Variants in TTC39C observed in about 807,000 individuals in gnomAD.
The protein encoded by TTC39C is tetratricopeptide repeat domain 39C, also known as tetratricopeptide repeat protein 39C.
In TTC39C, 33 loss-of-function variants were observed where a neutral mutation model predicts 76.3. That is an observed-to-expected ratio of 0.43 (90% confidence interval 0.33 to 0.58). The LOEUF (loss-of-function observed/expected upper bound fraction) is 0.58, where lower values mean the gene tolerates loss of function less well. Among genes scored for constraint, TTC39C ranks in the 20% least tolerant of loss-of-function variants. The probability of loss-of-function intolerance (pLI) is 0.04; values close to 1 mark genes in which losing one functional copy is unlikely to be tolerated. For synonymous variants in TTC39C, 254 were observed against 260.6 expected, an observed-to-expected ratio of 0.97 and a Z score of 0.24; for missense variants, 595 against 701.4, an observed-to-expected ratio of 0.85 and a Z score of 1.71.
At chr18:24,053,245 T>C (rs1327153529) in intron 1 of TTC39C, among the ~76,000 whole-genome samples, 2 of 152,212 alleles carry the variant, frequency 1.3e-5, no homozygotes, top group African/African-American at 4.8e-5. Context: ...TAGGTTGCTT[T>C]TCTTAGACCT....
intron 1 of TTC39C, chr18:24,022,673 G>A (rs994555934): frequency 1.0e-6 from 1 of 985,414 alleles, no homozygotes; most frequent in Admixed American, 6.1e-5. Flanking sequence ...TGTCTTCAGG[G>A]GAGATGTCAC....
chr18:24,024,002 A>ATTTTTTTTT (rs2083562942), intron 1 of TTC39C, among the ~76,000 whole-genome samples: 1 of 4,242 alleles, frequency 2.4e-4, no homozygotes. Flanking sequence ...ATATATATAT[A>ATTTTTTTTT]TATATATATA....
intron 1 of TTC39C, among the ~76,000 whole-genome samples, chr18:24,045,351 G>T (rs539327185): frequency 3.3e-5 from 5 of 151,572 alleles, no homozygotes; most frequent in Admixed American, 6.6e-5. Context: ...GGCCAGGGGG[G>T]ATTTGTGTGC....
intron 1 of TTC39C, among the ~76,000 whole-genome samples, chr18:24,009,649 C>A (rs556018568): frequency 1.3e-5 from 2 of 152,236 alleles, no homozygotes; most frequent in Non-Finnish European, 1.5e-5. Context: ...CTCAAAGACA[C>A]ACCCCAGTCA....
At chr18:24,024,644 A>T (rs761878790) in intron 1 of TTC39C, among the ~76,000 whole-genome samples, 3 of 152,168 alleles carry the variant, frequency 2.0e-5, no homozygotes, top group Non-Finnish European at 4.4e-5. Context: ...GTGTTAAGAC[A>T]TAGGATGTGT....
upstream of TTC39C, among the ~76,000 whole-genome samples, chr18:24,012,191 G>C (rs527865404): frequency 6.6e-6 from 1 of 151,540 alleles, no homozygotes; most frequent in East Asian, 1.9e-4. Flanking sequence ...CCCTCACCAC[G>C]GGCAAATATT....
chr18:23,996,848 G>A (rs925407950), intron 1 of TTC39C, among the ~76,000 whole-genome samples: 12 of 151,652 alleles, frequency 7.9e-5, no homozygotes, highest in Non-Finnish European at 1.3e-4. Context: ...AGTGGCTCAC[G>A]CCTGTAATCC....
intron 5 of TTC39C, 72 bp downstream of exon 5, chr18:24,081,011 T>G (rs1453513323): frequency 5.8e-6 from 8 of 1,383,396 alleles, no homozygotes; most frequent in Non-Finnish European, 7.8e-6. Flanking sequence ...ATCAAAGACT[T>G]TAAAGGAAAC....
intron 8 of TTC39C, among the ~76,000 whole-genome samples, chr18:24,122,382 G>C (rs188156693): frequency 6.6e-6 from 1 of 150,412 alleles, no homozygotes; most frequent in Non-Finnish European, 1.5e-5. Context: ...TGTGCCTGTA[G>C]TCCCAGCTAC....
At chr18:24,056,083 G>A (rs1314550568) in intron 1 of TTC39C, among the ~76,000 whole-genome samples, 2 of 152,206 alleles carry the variant, frequency 1.3e-5, no homozygotes, top group South Asian at 2.1e-4. Context: ...AGCATTCAGT[G>A]TTGTCCTTTT....
intron 1 of TTC39C, among the ~76,000 whole-genome samples, chr18:24,035,972 G>A (rs965732565): frequency 6.6e-6 from 1 of 152,046 alleles, no homozygotes; most frequent in Non-Finnish European, 1.5e-5. Flanking sequence ...TAAAGTAAGG[G>A]TCAACTTCAT....
chr18:24,050,188 A>G (rs143040833), intron 1 of TTC39C, among the ~76,000 whole-genome samples: 3 of 152,286 alleles, frequency 2.0e-5, no homozygotes, highest in African/African-American at 7.2e-5. Context: ...CATTGTTCTC[A>G]TAATTTGTCC....
At chr18:24,014,647 C>CGCG (rs1292410793), upstream of TTC39C, 7 of 534,126 alleles carry the variant, frequency 1.3e-5, no homozygotes, top group Non-Finnish European at 1.9e-5. Context: ...GAGTAATCCC[C>CGCG]GCGGCGGCGG....
intron 10 of TTC39C, chr18:24,125,754 C>T: frequency 1.8e-6 from 1 of 562,436 alleles, no homozygotes; most frequent in Non-Finnish European, 3.1e-6. Flanking sequence ...CTGCTGTGGA[C>T]AGATATGCTT....
chr18:24,014,018 A>C (rs1207856567), upstream of TTC39C, among the ~76,000 whole-genome samples: 2 of 152,248 alleles, frequency 1.3e-5, no homozygotes, highest in Non-Finnish European at 2.9e-5. Flanking sequence ...CCCACTGCGC[A>C]AATGTTGGTG....
At chr18:24,060,341 G>A (rs111669072) in intron 1 of TTC39C, among the ~76,000 whole-genome samples, 8,817 of 109,068 alleles carry the variant, frequency 0.081, 472 homozygotes, top group East Asian at 0.31. Flanking sequence ...TTTTTGAGAC[G>A]TAGTCTCTCT....
At chr18:24,029,380 G>A (rs1257139085) in intron 1 of TTC39C, among the ~76,000 whole-genome samples, 1 of 152,242 alleles carries the variant, frequency 6.6e-6, no homozygotes, top group Non-Finnish European at 1.5e-5. Flanking sequence ...GGGATTACAG[G>A]CGTGAGCCAC....
chr18:24,094,436 A>G (rs1470004646), intron 6 of TTC39C, among the ~76,000 whole-genome samples: 3 of 152,248 alleles, frequency 2.0e-5, no homozygotes, highest in South Asian at 2.1e-4. Flanking sequence ...GGTGTTTACA[A>G]TGGTAAATCC....
chr18:24,100,901 CA>C (rs1464753373), intron 6 of TTC39C, among the ~76,000 whole-genome samples: 1 of 152,126 alleles, frequency 6.6e-6, no homozygotes, highest in African/African-American at 2.4e-5. Flanking sequence ...GTACATGTCC[CA>C]TGAAAAGAGG....
Sources: gnomAD v4.1 joint callset for allele counts (sites outside exome capture counted in the v4.1 genomes callset) on GRCh38, gnomAD v4.1.1 for gene constraint, MANE v1.5 for transcripts, NCBI Gene and HGNC (gene_info 2026-07-23, HGNC 2026-07-21) for gene names.